ALPK2: variants seen among roughly 807,000 people sequenced by gnomAD.
ALPK2 encodes the protein alpha-protein kinase 2.
A neutral mutation model predicts 163.1 loss-of-function variants in ALPK2; 127 were observed. The observed-to-expected ratio is 0.78, with a 90% confidence interval of 0.67 to 0.90. ALPK2 has a LOEUF of 0.90. Ranked by LOEUF, ALPK2 falls within the 40% of genes least tolerant of loss-of-function variation. The probability of loss-of-function intolerance (pLI) is 0.00; values close to 1 mark genes in which losing one functional copy is unlikely to be tolerated. For missense variants in ALPK2, 2,360 were observed against 2,589.6 expected, an observed-to-expected ratio of 0.91 and a Z score of 1.92; for synonymous variants, 953 against 959.1, an observed-to-expected ratio of 0.99 and a Z score of 0.12.
intron 6 of ALPK2, among the ~76,000 whole-genome samples, chr18:58,528,595 A>G (rs1441739029): frequency 1.3e-5 from 2 of 152,164 alleles, no homozygotes; most frequent in East Asian, 1.9e-4. Flanking sequence ...CATCTTAGTG[A>G]TGGCTGCTGG....
chr18:58,502,157 C>CACAG (rs2051435051), intron 11 of ALPK2, among the ~76,000 whole-genome samples: 1 of 144,504 alleles, frequency 6.9e-6, no homozygotes, highest in Admixed American at 7.1e-5. Context: ...CACACACACA[C>CACAG]ACACACACAC....
intron 8 of ALPK2, among the ~76,000 whole-genome samples, chr18:58,521,177 C>A (rs2051548986): frequency 6.6e-6 from 1 of 152,218 alleles, no homozygotes. Context: ...AGGGTTCAGA[C>A]CCAGGCTCTA....
At chr18:58,562,397 A>G (rs2051829990) in intron 4 of ALPK2, among the ~76,000 whole-genome samples, 1 of 152,246 alleles carries the variant, frequency 6.6e-6, no homozygotes, top group African/African-American at 2.4e-5. Flanking sequence ...TTTGTGACAT[A>G]CTGCTTATTT....
chr18:58,498,208 C>G, intron 11 of ALPK2, 111 bp from the exon 12 acceptor site: 1 of 965,314 alleles, frequency 1.0e-6, no homozygotes, highest in South Asian at 1.4e-5. Flanking sequence ...CCTTCTCCTT[C>G]CTGCATAAAC....
intron 8 of ALPK2, among the ~76,000 whole-genome samples, chr18:58,518,015 G>T (rs1423618850): frequency 6.6e-6 from 1 of 152,074 alleles, no homozygotes; most frequent in Non-Finnish European, 1.5e-5. Context: ...CTTTAAACTA[G>T]AGATGACCCA....
intron 3 of ALPK2, among the ~76,000 whole-genome samples, chr18:58,597,172 C>A (rs1170994308): frequency 6.6e-6 from 1 of 152,076 alleles, no homozygotes; most frequent in African/African-American, 2.4e-5. Context: ...GACCTGTAAT[C>A]CCAGCTACTC....
At chr18:58,562,286 T>G (rs2051829381) in intron 4 of ALPK2, among the ~76,000 whole-genome samples, 1 of 152,244 alleles carries the variant, frequency 6.6e-6, no homozygotes. Context: ...CTACCATCAG[T>G]GCAGACTTTT....
intron 12 of ALPK2, among the ~76,000 whole-genome samples, chr18:58,487,016 C>T (rs1414928488): frequency 1.3e-5 from 2 of 152,248 alleles, no homozygotes; most frequent in East Asian, 1.9e-4. Flanking sequence ...TGTAGGCCAT[C>T]TCTCCAACAG....
chr18:58,600,775 G>A (rs1220832073), intron 3 of ALPK2: 1 of 152,174 alleles, frequency 6.6e-6, no homozygotes, highest in Non-Finnish European at 1.5e-5. Flanking sequence ...CTTGTGTCTG[G>A]GTGAGCACTC....
At chr18:58,525,547 C>T (rs77740074) in intron 6 of ALPK2, among the ~76,000 whole-genome samples, 5,468 of 152,268 alleles carry the variant, frequency 0.036, 114 homozygotes, top group Non-Finnish European at 0.046. Context: ...CCCAGAACCA[C>T]GAAGACCGTT....
intron 6 of ALPK2, among the ~76,000 whole-genome samples, chr18:58,526,609 G>T (rs1602201586): frequency 6.6e-6 from 1 of 152,266 alleles, no homozygotes; most frequent in East Asian, 1.9e-4. Context: ...TACCAAGAAG[G>T]TACTGATGGC....
In ALPK2 at chr18:58,536,926, C is replaced by T. The variant is rs150234689; in HGVS notation, c.3261G>A (p.Leu1087=). 2.5e-6 allele frequency: 4 copies of T among 1,614,222 alleles called. No homozygotes were observed. The African/African-American group carries it at 5.3e-5, about 22-fold the overall frequency. ...PSVPGVPHHV[L]QLPEGEGFCS... is the part of the protein sequence containing the mutation. ...AGAAACCCTCTCCCTCTGGGAGCTG[C>T]AGGACATGGTGTGGGACTCCTGGCA... The change falls in exon 5 of 13, where the codon CTG becomes CTA. Residue 1087 remains leucine, a synonymous_variant. Coordinates refer to ENST00000361673, the MANE Select transcript of ALPK2 (RefSeq NM_052947.4).
chr18:58,496,764 G>A (rs1051088702), intron 12 of ALPK2, among the ~76,000 whole-genome samples: 1 of 152,160 alleles, frequency 6.6e-6, no homozygotes, highest in Non-Finnish European at 1.5e-5. Context: ...TACTGGCCCT[G>A]GAGAGACTTT....
chr18:58,530,263 A>T (rs926050384), intron 5 of ALPK2, among the ~76,000 whole-genome samples: 5 of 152,192 alleles, frequency 3.3e-5, no homozygotes, highest in African/African-American at 9.7e-5. Context: ...CTAATTCTCT[A>T]CCCTGGAAGT....
At position 58,535,768 on chromosome 18, in the gene ALPK2, G is replaced by A. The variant is rs1288379417; in HGVS notation, c.4419C>T (p.Gly1473=). The A allele has an allele frequency of 3.7e-6, 6 of 1,614,190 alleles. No individual in the cohort carries two copies. The highest frequency in any genetic ancestry group is 5.1e-6 in the Non-Finnish European group (6 of 1,180,022). Residue 1473 remains glycine, a synonymous_variant, in exon 5 of 13, where the codon GGC becomes GGT. Coordinates refer to ENST00000361673, the MANE Select transcript of ALPK2 (RefSeq NM_052947.4). The part of the protein sequence containing the change: ...SENRISRSQE[G]SMKQEAEQIQ... ...TTTGTTCAGCCTCCTGCTTCATACT[G>A]CCTTCTTGGCTTCTGCTGATTCTAT... is the stretch of plus-strand genomic sequence containing the variant.
rs560728606 is a variant in ALPK2, at chr18:58,504,040, T to C, written c.6138A>G (p.Lys2046=). The C allele has an allele frequency of 1.1e-5, 17 of 1,614,224 alleles. No individual in the cohort carries two copies. The East Asian group carries it at 3.1e-4, about 30-fold the overall frequency. ...ATTCTCTTCTCAAGAAGTTTATTTC[T>C]TTCCCATCCCTGATGGAATACTTCA... is the stretch of plus-strand genomic sequence containing the variant. The part of the protein sequence containing the change: ...EFVKYSIRDG[K]EINFLRRESE... Residue 2046 remains lysine, a synonymous_variant, in exon 11 of 13, where the codon AAA becomes AAG. Transcript: ENST00000361673.
chr18:58,492,374 G>A (rs748705880), intron 12 of ALPK2, among the ~76,000 whole-genome samples: 7 of 152,132 alleles, frequency 4.6e-5, no homozygotes, highest in Non-Finnish European at 7.3e-5. Context: ...AACTTGTTTA[G>A]TTGCTGGCAT....
intron 8 of ALPK2, among the ~76,000 whole-genome samples, chr18:58,517,544 G>A (rs1013785980): frequency 1.3e-5 from 2 of 152,060 alleles, no homozygotes; most frequent in Non-Finnish European, 2.9e-5. Flanking sequence ...AAAGACCAAT[G>A]ATAAGATCTG....
intron 8 of ALPK2, among the ~76,000 whole-genome samples, chr18:58,520,897 T>C (rs548621204): frequency 6.6e-6 from 1 of 152,316 alleles, no homozygotes; most frequent in East Asian, 1.9e-4. Flanking sequence ...GCACCTGCAG[T>C]CCAGGCTACT....
Sources: gnomAD v4.1 joint callset for allele counts (sites outside exome capture counted in the v4.1 genomes callset) on GRCh38, gnomAD v4.1.1 for gene constraint, MANE v1.5 for transcripts, NCBI Gene and HGNC (gene_info 2026-07-23, HGNC 2026-07-21) for gene names.